Variants in GULP1 observed in about 807,000 individuals in gnomAD.
GULP1 encodes GULP PTB domain containing engulfment adaptor 1.
GULP1 carries 19 observed loss-of-function variants against 40.9 expected under a neutral mutation model. The ratio of observed to expected loss-of-function variants is 0.46; its 90% CI spans 0.32 to 0.68. The LOEUF (loss-of-function observed/expected upper bound fraction) is 0.68. GULP1 is among the 30% of genes least tolerant of loss of function. The pLI, the probability that GULP1 is intolerant of heterozygous loss-of-function variation, is 0.03. For synonymous variants in GULP1, 119 were observed against 117.6 expected (o/e 1.01, Z -0.08); for missense variants, 312 against 362.2 (o/e 0.86, Z 1.12).
chr2:188,532,198 TA>T (rs1415071160), intron 6 of GULP1, among the ~76,000 whole-genome samples: 2 of 152,248 alleles, frequency 1.3e-5, no homozygotes, highest in African/African-American at 4.8e-5. Flanking sequence ...TCATATACCA[TA>T]ATTTACCAAA....
chr2:188,460,025 A>G (rs1210905194), intron 2 of GULP1, among the ~76,000 whole-genome samples: 2 of 152,176 alleles, frequency 1.3e-5, no homozygotes, highest in Non-Finnish European at 2.9e-5. Context: ...TGACAGTACT[A>G]TGCTGTTTTG....
intron 7 of GULP1, among the ~76,000 whole-genome samples, chr2:188,546,265 A>T (rs769748578): frequency 1.3e-5 from 2 of 151,964 alleles, no homozygotes; most frequent in South Asian, 4.1e-4. Flanking sequence ...ACAACAACAG[A>T]ATGTACATTA....
At chr2:188,568,169 A>T (rs890967098) in intron 7 of GULP1, among the ~76,000 whole-genome samples, 1 of 152,154 alleles carries the variant, frequency 6.6e-6, no homozygotes, top group African/African-American at 2.4e-5. Flanking sequence ...ATGATATAAG[A>T]TGATTAACAA....
At chr2:188,368,939 G>GTGTATATATT (rs1272494109) in intron 1 of GULP1, among the ~76,000 whole-genome samples, 1 of 86,088 alleles carries the variant, frequency 1.2e-5, no homozygotes, top group African/African-American at 4.1e-5. Flanking sequence ...ATATATGTGT[G>GTGTATATATT]TATATATATA....
intron 4 of GULP1, among the ~76,000 whole-genome samples, chr2:188,506,297 G>T (rs1671425546): frequency 6.6e-6 from 1 of 151,746 alleles, no homozygotes; most frequent in Non-Finnish European, 1.5e-5. Flanking sequence ...ATTATTGGGA[G>T]AACTAGCAAT....
At chr2:188,514,425 G>A (rs927296337) in intron 4 of GULP1, among the ~76,000 whole-genome samples, 2 of 152,032 alleles carry the variant, frequency 1.3e-5, no homozygotes, top group Non-Finnish European at 2.9e-5. Flanking sequence ...ACCTATTGAT[G>A]CTGTTAAGTG....
intron 9 of GULP1, among the ~76,000 whole-genome samples, chr2:188,580,540 G>A (rs1235441655): frequency 9.0e-6 from 1 of 110,942 alleles, no homozygotes; most frequent in Non-Finnish European, 1.9e-5. Context: ...GCGACAGAGC[G>A]AGACTCCGTC....
chr2:188,450,085 T>C (rs1450307486), intron 2 of GULP1, among the ~76,000 whole-genome samples: 1 of 152,172 alleles, frequency 6.6e-6, no homozygotes, highest in African/African-American at 2.4e-5. Context: ...ATTAATAATG[T>C]ACATGATATG....
At chr2:188,305,804 G>A (rs1055671116) in intron 1 of GULP1, among the ~76,000 whole-genome samples, 2 of 152,136 alleles carry the variant, frequency 1.3e-5, no homozygotes, top group South Asian at 4.1e-4. Flanking sequence ...TTTCAAGACA[G>A]TCTTGTTCTG....
intron 4 of GULP1, among the ~76,000 whole-genome samples, chr2:188,499,910 G>T (rs543420832): frequency 3.1e-4 from 47 of 151,640 alleles, no homozygotes; most frequent in African/African-American, 1.1e-3. Context: ...GGGAATGATT[G>T]GCTCTTAATC....
At chr2:188,347,349 TA>T (rs149217033) in intron 1 of GULP1, among the ~76,000 whole-genome samples, 3,568 of 152,282 alleles carry the variant, frequency 0.023, 148 homozygotes, top group African/African-American at 0.081. Context: ...CTCCTAATCG[TA>T]ATGCTTTGCT....
intron 2 of GULP1, among the ~76,000 whole-genome samples, chr2:188,417,996 T>C (rs966660674): frequency 2.0e-5 from 3 of 151,912 alleles, no homozygotes; most frequent in African/African-American, 7.3e-5. Context: ...TTTGTTTTTT[T>C]AGAGACAGAG....
At chr2:188,539,619 C>G (rs1689909846) in intron 6 of GULP1, among the ~76,000 whole-genome samples, 1 of 152,068 alleles carries the variant, frequency 6.6e-6, no homozygotes, top group African/African-American at 2.4e-5. Flanking sequence ...CATTACAATC[C>G]TACAATATAC....
At chr2:188,505,573 A>G (rs776907675) in intron 4 of GULP1, among the ~76,000 whole-genome samples, 25 of 151,790 alleles carry the variant, frequency 1.6e-4, no homozygotes, top group Non-Finnish European at 2.7e-4. Flanking sequence ...CTTCTGAGGT[A>G]CTGATTTCCT....
chr2:188,421,950 G>T (rs2055484493), intron 2 of GULP1, among the ~76,000 whole-genome samples: 1 of 151,980 alleles, frequency 6.6e-6, no homozygotes, highest in South Asian at 2.1e-4. Flanking sequence ...TTTATTCAAA[G>T]AAAAAGTATC....
In GULP1 at chr2:188,585,202, G is replaced by A. The variant is rs763441055; in HGVS notation, c.748+799G>A. Among the ~76,000 whole-genome samples, 46 of 152,242 alleles carry A rather than the reference G, an allele frequency of 3.0e-4. 1 individual carries two copies. The highest frequency in any genetic ancestry group is 6.8e-3 in the Middle Eastern group (2 of 294). On this transcript the variant is annotated intron_variant, in intron 10 of 11. Transcript: ENST00000409830. ...GCAAGGGATGGACCCCAAGGCCTTGGGCAGCTCCACCTCTGTGGCTCTGCA... is the reference window on the plus strand; with the variant it reads ...GCAAGGGATGGACCCCAAGGCCTTGAGCAGCTCCACCTCTGTGGCTCTGCA...
At chr2:188,593,068 A>G (rs529480927) in intron 11 of GULP1, 1 of 152,110 alleles carries the variant, frequency 6.6e-6, no homozygotes, top group South Asian at 2.1e-4. Flanking sequence ...AAGGAGACCT[A>G]CAATGTAACC....
chr2:188,413,798 AG>A, intron 2 of GULP1, among the ~76,000 whole-genome samples: 1 of 152,322 alleles, frequency 6.6e-6, no homozygotes, highest in African/African-American at 2.4e-5. Flanking sequence ...TTATTTATTG[AG>A]AGAGCTAAGG....
At chr2:188,347,959 A>G (rs1275731877) in intron 1 of GULP1, among the ~76,000 whole-genome samples, 1 of 152,168 alleles carries the variant, frequency 6.6e-6, no homozygotes, top group Non-Finnish European at 1.5e-5. Context: ...ATTAACAGTC[A>G]TTATCTGCTG....
Sources: allele counts gnomAD v4.1 joint callset (sites outside exome capture counted in the v4.1 genomes callset), GRCh38; gene constraint gnomAD v4.1.1; transcripts MANE v1.5; gene names NCBI Gene and HGNC (gene_info 2026-07-23, HGNC 2026-07-21).